The following PSPC1 variants were observed in gnomAD, a reference collection of about 807,000 sequenced individuals.
PSPC1 encodes paraspeckle component 1.
A neutral mutation model predicts 51.6 loss-of-function variants in PSPC1; 14 were observed. The ratio of observed to expected loss-of-function variants is 0.27; its 90% CI spans 0.18 to 0.42. PSPC1 has a LOEUF of 0.42. Ranked by LOEUF, PSPC1 falls within the 10% of genes least tolerant of loss-of-function variation. PSPC1 has a pLI of 1.00. For missense variants in PSPC1, 406 were observed against 701.1 expected (o/e 0.58, Z 4.75); for synonymous variants, 193 against 231.9 (o/e 0.83, Z 1.53).
intron 6 of PSPC1, among the ~76,000 whole-genome samples, chr13:19,693,062 C>A (rs1878757530): frequency 6.6e-6 from 1 of 152,134 alleles, no homozygotes; most frequent in Non-Finnish European, 1.5e-5. Flanking sequence ...CAATTATAAT[C>A]TTATCTCAAC....
At chr13:19,717,225 T>C (rs1022354191) in intron 6 of PSPC1, among the ~76,000 whole-genome samples, 6 of 152,034 alleles carry the variant, frequency 3.9e-5, no homozygotes, top group African/African-American at 1.4e-4. Context: ...ATGAAAAAAG[T>C]ATTAAGATAC....
intron 1 of PSPC1, among the ~76,000 whole-genome samples, chr13:19,777,434 A>G (rs1889280817): frequency 6.8e-6 from 1 of 146,900 alleles, no homozygotes; most frequent in Non-Finnish European, 1.5e-5. Context: ...CAGCTCAAAA[A>G]AAAAAAAAAA....
At chr13:19,681,657 G>C (rs910538841) in intron 6 of PSPC1, among the ~76,000 whole-genome samples, 1 of 152,210 alleles carries the variant, frequency 6.6e-6, no homozygotes, top group Non-Finnish European at 1.5e-5. Flanking sequence ...TTCAACAGCA[G>C]GGTTTCCTTT....
At chr13:19,687,164 G>A (rs1339744534) in intron 6 of PSPC1, among the ~76,000 whole-genome samples, 2 of 152,118 alleles carry the variant, frequency 1.3e-5, no homozygotes, top group Admixed American at 6.5e-5. Flanking sequence ...TCGCGCCACT[G>A]CACTCCAGCC....
At chr13:19,748,029 C>T (rs562257166) in intron 4 of PSPC1, among the ~76,000 whole-genome samples, 2 of 152,152 alleles carry the variant, frequency 1.3e-5, no homozygotes, top group Admixed American at 6.6e-5. Flanking sequence ...GCTTGACCAA[C>T]ATGATGAAAC....
downstream of PSPC1, among the ~76,000 whole-genome samples, chr13:19,699,008 T>G (rs1879592240): frequency 6.6e-6 from 1 of 151,860 alleles, no homozygotes; most frequent in Admixed American, 6.6e-5. Flanking sequence ...TAGAGGTATT[T>G]ATATTCTAAA....
intron 4 of PSPC1, among the ~76,000 whole-genome samples, chr13:19,746,009 G>T (rs868329195): frequency 0.013 from 1,350 of 103,992 alleles, 8 homozygotes; most frequent in Middle Eastern, 0.018. Context: ...TTTGTTTTTT[G>T]TTTTTTTTTT....
intron 4 of PSPC1, among the ~76,000 whole-genome samples, chr13:19,747,818 T>C (rs1190678460): frequency 6.6e-6 from 1 of 152,236 alleles, no homozygotes; most frequent in Admixed American, 6.5e-5. Context: ...AGATTTCTCC[T>C]TCCATGATAT....
chr13:19,771,049 C>G (rs910708095), intron 2 of PSPC1, among the ~76,000 whole-genome samples: 3 of 152,138 alleles, frequency 2.0e-5, no homozygotes, highest in Non-Finnish European at 4.4e-5. Flanking sequence ...CCCATCTCAG[C>G]CTCCTGAGTA....
In PSPC1 at chr13:19,759,682, G is replaced by A. The variant is rs144218834; in HGVS notation, c.675-264C>T. ...TCAAGACCATCCAGGCCAACATGGTGAAATTCCATCTCTAGTAAAAATACA... is the reference window on the plus strand; with the variant it reads ...TCAAGACCATCCAGGCCAACATGGTAAAATTCCATCTCTAGTAAAAATACA... On this transcript the variant is annotated intron_variant, in intron 2 of 8. Coordinates refer to ENST00000338910, the MANE Select transcript of PSPC1 (RefSeq NM_001354909.2). Among the ~76,000 whole-genome samples the A allele has an allele frequency of 2.0e-3, 307 of 152,128 alleles. 3 individuals carry two copies. Among genetic ancestry groups the A allele is most frequent in the African/African-American group, 7.0e-3 (291 of 41,498 alleles).
downstream of PSPC1, among the ~76,000 whole-genome samples, chr13:19,674,328 G>A (rs1387354977): frequency 6.6e-6 from 1 of 152,208 alleles, no homozygotes; most frequent in East Asian, 1.9e-4. Context: ...TTTCAGTCCA[G>A]AAATAGAAAA....
At chr13:19,744,010 A>T (rs1331015422) in intron 4 of PSPC1, among the ~76,000 whole-genome samples, 2 of 152,180 alleles carry the variant, frequency 1.3e-5, no homozygotes, top group African/African-American at 4.8e-5. Context: ...CAGGAGGCTT[A>T]GGCAGGAGAA....
At chr13:19,672,882 T>TAAG (rs1345191510), downstream of PSPC1, 29 of 347,994 alleles carry the variant, frequency 8.3e-5, no homozygotes, top group Admixed American at 1.1e-3. Context: ...GAGGATTGCT[T>TAAG]AAGTCCAGGA....
intron 3 of PSPC1, among the ~76,000 whole-genome samples, chr13:19,759,026 T>C (rs142595902): frequency 7.9e-5 from 12 of 152,016 alleles, no homozygotes; most frequent in Non-Finnish European, 1.6e-4. Context: ...GGTGCGTGCC[T>C]GTAATCCCAG....
intron 6 of PSPC1, among the ~76,000 whole-genome samples, chr13:19,692,849 C>T (rs1878729831): frequency 6.6e-6 from 1 of 152,138 alleles, no homozygotes; most frequent in Non-Finnish European, 1.5e-5. Flanking sequence ...CTGAACAATC[C>T]TGACACTAAA....
chr13:19,672,498 T>TA (rs58492348), downstream of PSPC1: 19,576 of 128,020 alleles, frequency 0.15, 1,527 homozygotes, highest in African/African-American at 0.21. Context: ...CTTCTGTGCT[T>TA]AAAAAAAAAA....
chr13:19,765,827 G>GT (rs1170594985), intron 2 of PSPC1, among the ~76,000 whole-genome samples: 2 of 152,040 alleles, frequency 1.3e-5, no homozygotes, highest in African/African-American at 2.4e-5. Context: ...AAAAAGTTAA[G>GT]TAGCAATTTA....
intron 6 of PSPC1, among the ~76,000 whole-genome samples, chr13:19,695,180 A>C (rs1490089838): frequency 6.6e-6 from 1 of 152,220 alleles, no homozygotes; most frequent in Non-Finnish European, 1.5e-5. Flanking sequence ...TAATTCCAAA[A>C]TAATTCAAAC....
intron 1 of PSPC1, among the ~76,000 whole-genome samples, chr13:19,780,937 G>A (rs1052458078): frequency 1.3e-5 from 2 of 151,986 alleles, no homozygotes; most frequent in African/African-American, 4.8e-5. Flanking sequence ...CGGGAGGATC[G>A]TTTGAGCCCA....
Sources: gnomAD v4.1 joint callset for allele counts (sites outside exome capture counted in the v4.1 genomes callset) on GRCh38, gnomAD v4.1.1 for gene constraint, MANE v1.5 for transcripts, NCBI Gene and HGNC (gene_info 2026-07-23, HGNC 2026-07-21) for gene names.